Variants in SSH2 observed in about 807,000 individuals in gnomAD.
SSH2 encodes the protein protein phosphatase Slingshot homolog 2.
A neutral mutation model predicts 135.2 loss-of-function variants in SSH2; 37 were observed. The ratio of observed to expected loss-of-function variants is 0.27; its 90% CI spans 0.21 to 0.36. The LOEUF is 0.36. SSH2 is among the 10% of genes least tolerant of loss of function. SSH2 has a pLI of 1.00. For missense variants in SSH2, 1,408 were observed against 1,765.3 expected (o/e 0.80, Z 3.63); for synonymous variants, 628 against 646.2 (o/e 0.97, Z 0.43).
At chr17:29,688,280 A>T (rs551627061) in intron 5 of SSH2, among the ~76,000 whole-genome samples, 3 of 152,076 alleles carry the variant, frequency 2.0e-5, no homozygotes, top group African/African-American at 7.2e-5. Flanking sequence ...AAGTGCTGGG[A>T]TTACAGGTGC....
chr17:29,772,423 T>G (rs2041607826), intron 3 of SSH2, among the ~76,000 whole-genome samples: 3 of 152,084 alleles, frequency 2.0e-5, no homozygotes, highest in African/African-American at 7.2e-5. Context: ...TTTTTTGTAT[T>G]TTTAGTAGAG....
chr17:29,665,310 G>A (rs2037224770), intron 11 of SSH2, among the ~76,000 whole-genome samples: 1 of 152,142 alleles, frequency 6.6e-6, no homozygotes, highest in Non-Finnish European at 1.5e-5. Flanking sequence ...TTAAAGTAAT[G>A]GAAAAGAAGT....
At chr17:29,875,091 G>A (rs2066004812) in intron 1 of SSH2, among the ~76,000 whole-genome samples, 1 of 152,116 alleles carries the variant, frequency 6.6e-6, no homozygotes, top group South Asian at 2.1e-4. Flanking sequence ...GTAAGCTGGA[G>A]ACTGTCTGTA....
intron 3 of SSH2, among the ~76,000 whole-genome samples, chr17:29,752,943 T>C (rs1377617828): frequency 6.6e-6 from 1 of 152,094 alleles, no homozygotes; most frequent in East Asian, 1.9e-4. Flanking sequence ...GCAGGGACTC[T>C]GGAGTCTGAC....
At chr17:29,670,801 G>A (rs1324838590) in intron 9 of SSH2, among the ~76,000 whole-genome samples, 1 of 151,826 alleles carries the variant, frequency 6.6e-6, no homozygotes. Context: ...AAATTACTCT[G>A]TTAAAAAAAA....
intron 1 of SSH2, among the ~76,000 whole-genome samples, chr17:29,913,347 A>AAAAATTTAT: frequency 3.5e-5 from 1 of 28,778 alleles, no homozygotes; most frequent in Non-Finnish European, 5.9e-5. Context: ...AAAAAAAAAA[A>AAAAATTTAT]ATATATATAT....
chr17:29,872,832 C>T (rs2065961451), intron 1 of SSH2, among the ~76,000 whole-genome samples: 2 of 151,924 alleles, frequency 1.3e-5, no homozygotes, highest in Non-Finnish European at 2.9e-5. Flanking sequence ...CCCATCTCTA[C>T]TAAAAACACA....
intron 15 of SSH2, among the ~76,000 whole-genome samples, chr17:29,635,396 G>GT (rs1313660436): frequency 6.6e-6 from 1 of 151,860 alleles, no homozygotes; most frequent in African/African-American, 2.4e-5. Context: ...TATTAACTGC[G>GT]TATCTTTGGA....
intron 3 of SSH2, among the ~76,000 whole-genome samples, chr17:29,788,977 G>T (rs1479091371): frequency 6.6e-6 from 1 of 152,174 alleles, no homozygotes; most frequent in East Asian, 1.9e-4. Flanking sequence ...TTCTGACGAA[G>T]GCTCAGATGG....
chr17:29,888,028 G>A (rs1028074377), intron 1 of SSH2, among the ~76,000 whole-genome samples: 1 of 152,094 alleles, frequency 6.6e-6, no homozygotes, highest in Non-Finnish European at 1.5e-5. Flanking sequence ...CTTAAGCCCA[G>A]GAGTTTGAGA....
At chr17:29,764,863 A>G (rs1461444927) in intron 3 of SSH2, among the ~76,000 whole-genome samples, 3 of 152,246 alleles carry the variant, frequency 2.0e-5, no homozygotes, top group Admixed American at 6.5e-5. Flanking sequence ...TAATCACTGT[A>G]AAACAGTGAA....
chr17:29,703,408 C>G (rs562037097), intron 3 of SSH2, among the ~76,000 whole-genome samples: 2 of 151,692 alleles, frequency 1.3e-5, no homozygotes, highest in Non-Finnish European at 2.9e-5. Flanking sequence ...CGCCACCACA[C>G]CCAGCTAATT....
At chr17:29,888,106 T>C (rs549911451) in intron 1 of SSH2, among the ~76,000 whole-genome samples, 1 of 152,114 alleles carries the variant, frequency 6.6e-6, no homozygotes, top group South Asian at 2.1e-4. Flanking sequence ...GGCATAGTGG[T>C]ACATGCCTGT....
chr17:29,677,546 T>C, intron 7 of SSH2, 127 bp downstream of exon 7: 1 of 755,832 alleles, frequency 1.3e-6, no homozygotes, highest in South Asian at 1.6e-5. Context: ...TTAAAAGGAC[T>C]CATTCAGCTG....
intron 11 of SSH2, 121 bp from the exon 12 acceptor site, chr17:29,655,728 A>G: frequency 1.2e-6 from 1 of 807,494 alleles, no homozygotes; most frequent in South Asian, 1.5e-5. Flanking sequence ...AGTGCCCTTT[A>G]AGTTGCCAGG....
At chr17:29,774,621 T>G (rs1035483010) in intron 3 of SSH2, among the ~76,000 whole-genome samples, 8 of 152,178 alleles carry the variant, frequency 5.3e-5, no homozygotes, top group Non-Finnish European at 7.4e-5. Flanking sequence ...ATTCTAATTT[T>G]GGGGGTTGGG....
At chr17:29,798,298 A>G (rs2151310043) in intron 2 of SSH2, among the ~76,000 whole-genome samples, 1 of 151,966 alleles carries the variant, frequency 6.6e-6, no homozygotes, top group Admixed American at 6.6e-5. Flanking sequence ...AGCTGAGATT[A>G]CAGGCGTGTA....
chr17:29,725,630 C>G (rs961623192), intron 3 of SSH2, among the ~76,000 whole-genome samples: 2 of 152,162 alleles, frequency 1.3e-5, no homozygotes, highest in African/African-American at 4.8e-5. Flanking sequence ...ACATCATTCT[C>G]AACAAACTAA....
intron 12 of SSH2, among the ~76,000 whole-genome samples, chr17:29,655,337 C>G (rs1469154460): frequency 6.6e-6 from 1 of 152,170 alleles, no homozygotes; most frequent in Non-Finnish European, 1.5e-5. Flanking sequence ...ATCTCCTGAC[C>G]TGTGATCCAC....
Sources: allele counts gnomAD v4.1 joint callset (sites outside exome capture counted in the v4.1 genomes callset), GRCh38; gene constraint gnomAD v4.1.1; transcripts MANE v1.5; gene names NCBI Gene and HGNC (gene_info 2026-07-23, HGNC 2026-07-21).